GRID2: variants seen among roughly 807,000 people sequenced by gnomAD.
GRID2 encodes the protein glutamate receptor ionotropic, delta-2.
GRID2 carries 33 observed loss-of-function variants against 114.8 expected under a neutral mutation model. The ratio of observed to expected loss-of-function variants is 0.29; its 90% CI spans 0.22 to 0.38. GRID2 has a LOEUF of 0.38. GRID2 is among the 10% of genes least tolerant of loss of function. GRID2 has a pLI of 1.00. For missense variants in GRID2, 1,184 were observed against 1,257.7 expected (o/e 0.94, Z 0.89); for synonymous variants, 505 against 449.9 (o/e 1.12, Z -1.55).
At chr4:93,702,454 C>A (rs1235497490) in intron 14 of GRID2, among the ~76,000 whole-genome samples, 1 of 152,064 alleles carries the variant, frequency 6.6e-6, no homozygotes, top group Non-Finnish European at 1.5e-5. Flanking sequence ...AGTATTCCAT[C>A]GTAGGAATGC....
At chr4:92,412,774 G>A (rs938333842) in intron 1 of GRID2, among the ~76,000 whole-genome samples, 1 of 152,116 alleles carries the variant, frequency 6.6e-6, no homozygotes, top group Non-Finnish European at 1.5e-5. Flanking sequence ...AGGTCACCAA[G>A]CACACCCTGG....
intron 2 of GRID2, among the ~76,000 whole-genome samples, chr4:92,605,613 A>G (rs1344999714): frequency 6.6e-6 from 1 of 152,124 alleles, no homozygotes; most frequent in Non-Finnish European, 1.5e-5. Flanking sequence ...TTAAGATTTC[A>G]GGTTGAGTAG....
At chr4:92,346,865 C>T (rs973178981) in intron 1 of GRID2, among the ~76,000 whole-genome samples, 8 of 152,040 alleles carry the variant, frequency 5.3e-5, no homozygotes, top group Non-Finnish European at 1.0e-4. Context: ...AAAGATTTTA[C>T]TTCTAATTAT....
intron 8 of GRID2, among the ~76,000 whole-genome samples, chr4:93,289,841 T>C (rs368120088): frequency 6.6e-6 from 1 of 152,104 alleles, no homozygotes; most frequent in African/African-American, 2.4e-5. Flanking sequence ...GCTGAAATAT[T>C]TAAAAGGTCT....
intron 4 of GRID2, among the ~76,000 whole-genome samples, chr4:93,145,865 TACACAC>T (rs10605314): frequency 6.8e-6 from 1 of 147,874 alleles, no homozygotes; most frequent in African/African-American, 2.5e-5. Context: ...CACACACACA[TACACAC>T]ACACACACAC....
chr4:93,245,256 G>A (rs1748070371), intron 8 of GRID2, among the ~76,000 whole-genome samples: 1 of 152,034 alleles, frequency 6.6e-6, no homozygotes, highest in African/African-American at 2.4e-5. Flanking sequence ...TGTGCATACT[G>A]ATGTAAGAAT....
At chr4:93,601,272 G>T (rs368331475) in intron 13 of GRID2, among the ~76,000 whole-genome samples, 86 of 152,220 alleles carry the variant, frequency 5.6e-4, no homozygotes, top group African/African-American at 1.9e-3. Flanking sequence ...ATAACCAGAT[G>T]ATAAGAACTG....
chr4:93,396,700 A>C (rs1765366112), intron 9 of GRID2, among the ~76,000 whole-genome samples: 1 of 152,118 alleles, frequency 6.6e-6, no homozygotes, highest in Non-Finnish European at 1.5e-5. Context: ...ACTTATTAAA[A>C]AGTCAATAAA....
At chr4:93,082,174 A>G (rs985979995) in intron 2 of GRID2, among the ~76,000 whole-genome samples, 4 of 152,156 alleles carry the variant, frequency 2.6e-5, no homozygotes, top group Non-Finnish European at 5.9e-5. Flanking sequence ...ATCCAGTCCC[A>G]ATTCATTTTA....
At chr4:92,977,465 A>C (rs904625144) in intron 2 of GRID2, among the ~76,000 whole-genome samples, 1 of 152,198 alleles carries the variant, frequency 6.6e-6, no homozygotes, top group African/African-American at 2.4e-5. Context: ...TAGAAGATGA[A>C]AATGGAGAAG....
chr4:92,728,879 G>GTTT (rs869138594), intron 2 of GRID2, among the ~76,000 whole-genome samples: 1 of 142,544 alleles, frequency 7.0e-6, no homozygotes, highest in South Asian at 2.3e-4. Context: ...CTCTACTGTT[G>GTTT]CTAAACTCAC....
At chr4:92,537,620 A>G (rs937335685) in intron 1 of GRID2, among the ~76,000 whole-genome samples, 9 of 152,202 alleles carry the variant, frequency 5.9e-5, no homozygotes, top group Admixed American at 2.0e-4. Flanking sequence ...GCTATATTAT[A>G]TGAGTAATTA....
At chr4:93,648,458 A>G (rs1227801303) in intron 14 of GRID2, among the ~76,000 whole-genome samples, 2 of 152,216 alleles carry the variant, frequency 1.3e-5, no homozygotes, top group Non-Finnish European at 2.9e-5. Flanking sequence ...ACAGCAAACT[A>G]TGAAATCTGT....
At chr4:93,559,348 G>C (rs1396516068) in intron 13 of GRID2, among the ~76,000 whole-genome samples, 1 of 152,024 alleles carries the variant, frequency 6.6e-6, no homozygotes, top group African/African-American at 2.4e-5. Context: ...CTGACAAAAG[G>C]CTAATATACA....
chr4:92,896,612 GC>G (rs1202578323), intron 2 of GRID2, among the ~76,000 whole-genome samples: 2 of 151,456 alleles, frequency 1.3e-5, no homozygotes, highest in African/African-American at 4.8e-5. Context: ...AACACACCTT[GC>G]CTAATATAAC....
At chr4:92,580,310 A>C (rs561603131) in intron 1 of GRID2, among the ~76,000 whole-genome samples, 101 of 149,300 alleles carry the variant, frequency 6.8e-4, no homozygotes, top group Non-Finnish European at 1.0e-3. Context: ...GTTGCTAGTT[A>C]AATGTACATT....
At chr4:93,779,344 G>A (rs560397059), downstream of GRID2, among the ~76,000 whole-genome samples, 11 of 152,096 alleles carry the variant, frequency 7.2e-5, no homozygotes, top group South Asian at 2.1e-4. Context: ...CTATTAGCAC[G>A]GTACCCTAGG....
Position 93,496,398 on chromosome 4 carries a change from G to A in GRID2, c.1997+5621G>A, listed in dbSNP as rs141409958. 3.7e-3 allele frequency among the ~76,000 whole-genome samples: 554 copies of A among 151,458 alleles called. 4 individuals carry two copies. The highest frequency in any genetic ancestry group is 0.012 in the African/African-American group (512 of 41,178). On this transcript the variant is annotated intron_variant, in intron 12 of 15. Transcript: ENST00000282020. ...AATTAAAACCAGGAAATTGACATTGGTACAATGTGTGCAAATTGCTCTATG... is the reference window on the plus strand; with the variant it reads ...AATTAAAACCAGGAAATTGACATTGATACAATGTGTGCAAATTGCTCTATG...
At chr4:92,784,698 T>A (rs1394838502) in intron 2 of GRID2, among the ~76,000 whole-genome samples, 4 of 151,964 alleles carry the variant, frequency 2.6e-5, no homozygotes, top group African/African-American at 4.8e-5. Context: ...AAAATAAGTT[T>A]TTATATATTT....
Sources: gnomAD v4.1 joint callset for allele counts (sites outside exome capture counted in the v4.1 genomes callset) on GRCh38, gnomAD v4.1.1 for gene constraint, MANE v1.5 for transcripts, NCBI Gene and HGNC (gene_info 2026-07-23, HGNC 2026-07-21) for gene names.